The following RCC1L variants were observed in gnomAD, a reference collection of about 807,000 sequenced individuals.
RCC1L encodes the protein RCC1-like G exchanging factor-like protein.
A neutral mutation model predicts 58.6 loss-of-function variants in RCC1L; 46 were observed. The observed-to-expected ratio is 0.79, with a 90% CI of 0.62 to 1.00. The LOEUF is 1.00. Ranked by LOEUF, RCC1L falls within the 50% of genes least tolerant of loss-of-function variation. RCC1L has a pLI of 0.00. For synonymous variants in RCC1L, 281 were observed against 262.9 expected, an observed-to-expected ratio of 1.07 and a Z score of -0.67; for missense variants, 636 against 623.6, an observed-to-expected ratio of 1.02 and a Z score of -0.21.
intron 10 of RCC1L, among the ~76,000 whole-genome samples, chr7:75,049,164 G>A (rs1805831788): frequency 1.3e-5 from 2 of 152,066 alleles, no homozygotes; most frequent in African/African-American, 2.4e-5. Flanking sequence ...TTTAAATGAT[G>A]TAATATATCC....
downstream of RCC1L, among the ~76,000 whole-genome samples, chr7:75,038,997 C>T (rs1209311523): frequency 2.6e-5 from 4 of 152,208 alleles, no homozygotes; most frequent in African/African-American, 7.2e-5. Flanking sequence ...CGCGTCACCA[C>T]GTCCGGCTAA....
chr7:75,058,457 C>G, intron 7 of RCC1L, 131 bp downstream of exon 7: 1 of 1,232,828 alleles, frequency 8.1e-7, no homozygotes, highest in Non-Finnish European at 1.2e-6. Context: ...TCCTGAACTC[C>G]TGACCTCAAG....
At chr7:75,072,192 G>GAGAGAGAGAGAGAGA (rs1806785594) in intron 1 of RCC1L, among the ~76,000 whole-genome samples, 4 of 63,254 alleles carry the variant, frequency 6.3e-5, no homozygotes, top group Non-Finnish European at 7.1e-5. Context: ...ATATATATAT[G>GAGAGAGAGAGAGAGA]GAGAGAGAGA....
chr7:75,056,185 G>GTTT, intron 8 of RCC1L, 111 bp from the exon 9 acceptor site: 6 of 1,084,792 alleles, frequency 5.5e-6, no homozygotes, highest in Admixed American at 2.4e-5. Flanking sequence ...GTTTTTTTTT[G>GTTT]TTTTTTTTTT....
At chr7:75,069,869 C>T (rs1554445766) in intron 2 of RCC1L, among the ~76,000 whole-genome samples, 2 of 152,120 alleles carry the variant, frequency 1.3e-5, no homozygotes. Context: ...TCCCAAAGTG[C>T]TGGGACTACA....
At chr7:75,028,340 T>TG (rs1178167344) in intron 10 of RCC1L, among the ~76,000 whole-genome samples, 1 of 152,156 alleles carries the variant, frequency 6.6e-6, no homozygotes, top group Admixed American at 6.6e-5. Flanking sequence ...ACGCTGGTCT[T>TG]GAACTCCTGA....
chr7:75,073,486 G>A lies in RCC1L; in HGVS notation c.252C>T (p.Pro84=). ...GCGGTCGGGCGCCGGCGCGGGGCCC[G>A]GGCCCGGAGCTGGGCACCACAAAGG... ...VPSFVVPSSG[P]GPRAGARPRR... is the part of the protein sequence containing the mutation. Residue 84 remains proline (P), a synonymous_variant, in exon 1 of 11, where the codon CCC becomes CCT. Transcript: ENST00000610322. 2 of 1,383,114 alleles carry A rather than the reference G, an allele frequency of 1.4e-6. No homozygotes were observed. The highest frequency in any genetic ancestry group is 1.6e-5 in the South Asian group (1 of 61,754). 85.7% of individuals were successfully genotyped at this position (1,383,114 alleles called of 1,614,324 possible). A position where few individuals can be genotyped will look rare whatever the true frequency, so the allele number is the denominator to read the frequency against.
At chr7:75,031,177 G>C (rs933178930) in intron 10 of RCC1L, among the ~76,000 whole-genome samples, 2 of 152,114 alleles carry the variant, frequency 1.3e-5, no homozygotes, top group African/African-American at 4.8e-5. Flanking sequence ...TGAGATGGGG[G>C]TGAGTGGATG....
intron 10 of RCC1L, among the ~76,000 whole-genome samples, chr7:75,045,875 A>G (rs1805704778): frequency 6.6e-6 from 1 of 152,228 alleles, no homozygotes; most frequent in East Asian, 1.9e-4. Context: ...TGGCCGGAAG[A>G]CCCCTGCCAG....
At chr7:75,072,158 A>ATATATATATATATATATATATG (rs1806769719) in intron 1 of RCC1L, among the ~76,000 whole-genome samples, 1 of 55,322 alleles carries the variant, frequency 1.8e-5, no homozygotes, top group Non-Finnish European at 3.9e-5. Flanking sequence ...ACATATACAT[A>ATATATATATATATATATATATG]TACATATATA....
chr7:75,049,313 G>A (rs1239259030), intron 10 of RCC1L, among the ~76,000 whole-genome samples: 24 of 151,960 alleles, frequency 1.6e-4, no homozygotes, highest in Admixed American at 1.5e-3. Context: ...ACCAGCCTGG[G>A]CAACATAGGA....
At chr7:75,035,959 C>T (rs955198316) in intron 10 of RCC1L, among the ~76,000 whole-genome samples, 3 of 152,026 alleles carry the variant, frequency 2.0e-5, no homozygotes, top group Non-Finnish European at 2.9e-5. Flanking sequence ...GAGCTATGAT[C>T]GCACCACTGT....
Position 75,072,149 on chromosome 7 carries a change from CATATACATATACATATATAT to C in RCC1L, c.324+1245_324+1264del, listed in dbSNP as rs1414187020. 3.3e-4 allele frequency among the ~76,000 whole-genome samples: 12 copies of C among 35,902 alleles called. 1 individual carries two copies. The highest frequency in any genetic ancestry group is 6.5e-4 in the African/African-American group (10 of 15,310). 23.6% of individuals were successfully genotyped at this position (35,902 alleles called of 152,430 possible). On this transcript the variant is annotated intron_variant, in intron 1 of 10. Transcript: ENST00000610322. ...TTTGTATTTTAAATTTATACATATA[CATATACATATACATATATAT>C]ATATATATATATATATATATATGGA...
At chr7:75,043,709 G>T (rs1805634040) in intron 10 of RCC1L, among the ~76,000 whole-genome samples, 1 of 152,166 alleles carries the variant, frequency 6.6e-6, no homozygotes, top group East Asian at 1.9e-4. Context: ...CAGCTACTCG[G>T]GAGGCTGAGG....
At chr7:75,063,192 G>T (rs1806330811) in intron 5 of RCC1L, 100 bp downstream of exon 5, 11 of 1,268,938 alleles carry the variant, frequency 8.7e-6, no homozygotes, top group Non-Finnish European at 1.3e-5. Context: ...ATTTAATTCA[G>T]AAAATCCCCC....
chr7:75,047,502 A>G (rs1380407127), intron 10 of RCC1L, among the ~76,000 whole-genome samples: 2 of 152,024 alleles, frequency 1.3e-5, no homozygotes, highest in African/African-American at 4.8e-5. Flanking sequence ...GCCTCAAGCA[A>G]TCCTTTCGCG....
In RCC1L at chr7:75,073,636, G is replaced by C; in HGVS notation, c.102C>G (p.Ser34Arg). Residue 34 changes from serine (S) to arginine (R), a missense_variant, in exon 1 of 11, where the codon AGC (serine) becomes AGG (arginine). By Grantham distance (110) the Ser-to-Arg change is moderately radical. Transcript: ENST00000610322. ...GHWTAAGRSR[S>R]RREAAEAEAE... Reference sequence around the variant, plus strand: ...CCTCGGCTTCTGCCGCTTCGCGCCGGCTCCGGGAGCGCCCGGCCGCCGTCC... The same window carrying C: ...CCTCGGCTTCTGCCGCTTCGCGCCGCCTCCGGGAGCGCCCGGCCGCCGTCC... 6.7e-7 allele frequency: 1 copy of C among 1,486,620 alleles called. No homozygotes were observed. The highest frequency in any genetic ancestry group is 8.9e-7 in the Non-Finnish European group (1 of 1,127,276). 92.1% of individuals were successfully genotyped at this position (1,486,620 alleles called of 1,614,324 possible). A position where few individuals can be genotyped will look rare whatever the true frequency, so the allele number is the denominator to read the frequency against.
chr7:75,057,161 C>A (rs934193897), intron 8 of RCC1L, among the ~76,000 whole-genome samples: 1 of 152,074 alleles, frequency 6.6e-6, no homozygotes, highest in African/African-American at 2.4e-5. Flanking sequence ...TTAGTAGAGT[C>A]AGGGTTTCAC....
chr7:75,058,661 G>C lies in RCC1L; in HGVS notation c.896C>G (p.Ser299Cys), dbSNP rs1251798106. The C allele has an allele frequency of 5.0e-6, 8 of 1,613,812 alleles. No homozygotes were observed. The African/African-American group carries it at 8.0e-5, about 16-fold the overall frequency. The change falls in exon 7 of 11, where the codon TCC becomes TGC. Residue 299 changes from serine to cysteine, a missense_variant. Transcript: ENST00000610322. The stretch of plus-strand genomic sequence containing the variant: ...CCAACCAAAAAGTCCTCCGTCGGCG[G>C]ACACGGCCAGGCAGCAATCACCGTA... Reference protein sequence around the residue: ...ATYGDCCLAVSADGGLFGWGN... With the variant: ...ATYGDCCLAVCADGGLFGWGN...
Sources: allele counts gnomAD v4.1 joint callset (sites outside exome capture counted in the v4.1 genomes callset), GRCh38; gene constraint gnomAD v4.1.1; transcripts MANE v1.5; gene names NCBI Gene and HGNC (gene_info 2026-07-23, HGNC 2026-07-21).